The following CNGB1 variants were observed in gnomAD, a reference collection of about 807,000 sequenced individuals.
CNGB1 encodes cyclic nucleotide-gated channel beta-1.
A neutral mutation model predicts 151.7 loss-of-function variants in CNGB1; 126 were observed. The observed-to-expected ratio is 0.83, with a 90% CI of 0.72 to 0.96. The LOEUF (loss-of-function observed/expected upper bound fraction) is 0.96, where lower values mean the gene tolerates loss of function less well. Ranked by LOEUF, CNGB1 falls within the 40% of genes least tolerant of loss-of-function variation. CNGB1 has a pLI of 0.00. For synonymous variants in CNGB1, 623 were observed against 635.1 expected (o/e 0.98, Z 0.29); for missense variants, 1,698 against 1,627.0 (o/e 1.04, Z -0.75).
rs912500388 is a variant in CNGB1, at chr16:57,954,833, C to T, written c.874+2508G>A. On this transcript the variant is annotated intron_variant, in intron 12 of 32. Transcript: ENST00000251102. ...TCGAGGTGCTGACGGTGCCAGGTAC[C>T]ACACTGGGGGCTGTGCACGCGTCCT... The T allele has an allele frequency of 7.1e-6, 7 of 990,918 alleles. 1 individual carries two copies. In the South Asian group the frequency reaches 3.2e-4, roughly 46 times the overall value. 61.4% of individuals were successfully genotyped at this position (990,918 alleles called of 1,614,324 possible). A position where few individuals can be genotyped will look rare whatever the true frequency, so the allele number is the denominator to read the frequency against.
In CNGB1 at chr16:57,939,414, C is replaced by T. The variant is rs776709132; in HGVS notation, c.1372+16G>A. On this transcript the variant is annotated intron_variant, in intron 16 of 32. Coordinates refer to ENST00000251102, the MANE Select transcript of CNGB1 (RefSeq NM_001297.5). ...GACATTCTTGCGCAACCCATCACCA[C>T]CACCACCACACCTACCTCCTGAACT... 2 of 1,614,038 alleles carry T rather than the reference C, an allele frequency of 1.2e-6. No homozygotes were observed. The highest frequency in any genetic ancestry group is 1.1e-5 in the South Asian group (1 of 91,082).
chr16:57,911,188 G>GA (rs1221563079), intron 25 of CNGB1, among the ~76,000 whole-genome samples: 1 of 152,214 alleles, frequency 6.6e-6, no homozygotes, highest in Non-Finnish European at 1.5e-5. Flanking sequence ...TTTGGATGCA[G>GA]AAAGGATCCA....
Position 57,960,866 on chromosome 16 carries a change from G to A in CNGB1, c.508C>T (p.Leu170Phe), listed in dbSNP as rs1470398973. The change falls in exon 8 of 33, where the codon CTT becomes TTT. Residue 170 changes from leucine (L) to phenylalanine (F), a missense_variant. By Grantham distance (22) the Leu-to-Phe change is conservative (BLOSUM62 0). Transcript: ENST00000251102. ...TCAGAGGATTTGGGGGGCTGAGGAA[G>A]CACTCTTTCCAGATTCTGCTCCAGC... ...LWLEQNLERVLPQPPKSSEVW... is the reference protein window; with the variant it reads ...LWLEQNLERVFPQPPKSSEVW... 1.9e-6 allele frequency: 3 copies of A among 1,613,934 alleles called. No homozygotes were observed. The highest frequency in any genetic ancestry group is 2.5e-6 in the Non-Finnish European group (3 of 1,180,006).
intron 23 of CNGB1, among the ~76,000 whole-genome samples, chr16:57,914,039 T>G (rs2149363224): frequency 6.6e-6 from 1 of 152,340 alleles, no homozygotes; most frequent in South Asian, 2.1e-4. Context: ...CTCTAAGGGA[T>G]ATTCCAGTTA....
At chr16:57,951,238 A>G (rs1961942015) in intron 12 of CNGB1, among the ~76,000 whole-genome samples, 2 of 152,172 alleles carry the variant, frequency 1.3e-5, no homozygotes, top group South Asian at 2.1e-4. Flanking sequence ...CTCATCAGGA[A>G]CCTAAGCCTA....
chr16:57,885,719 G>A (rs1049071347), intron 32 of CNGB1, among the ~76,000 whole-genome samples: 2 of 151,860 alleles, frequency 1.3e-5, no homozygotes, highest in East Asian at 1.9e-4. Flanking sequence ...TCAGCCTCCC[G>A]AGTAGCTGGG....
chr16:57,964,925 C>T (rs1962353164), intron 2 of CNGB1, among the ~76,000 whole-genome samples: 1 of 152,182 alleles, frequency 6.6e-6, no homozygotes, highest in Non-Finnish European at 1.5e-5. Context: ...GAGCCCACGC[C>T]CCTCATCCTC....
At chr16:57,936,552 G>A (rs1961513194) in intron 16 of CNGB1, among the ~76,000 whole-genome samples, 1 of 152,192 alleles carries the variant, frequency 6.6e-6, no homozygotes, top group Non-Finnish European at 1.5e-5. Flanking sequence ...CAGCACTTTG[G>A]GAGGCCGAGG....
chr16:57,922,946 T>A (rs1388524594), intron 18 of CNGB1, among the ~76,000 whole-genome samples: 1 of 151,918 alleles, frequency 6.6e-6, no homozygotes, highest in Non-Finnish European at 1.5e-5. Context: ...CCACTGACCT[T>A]TCAGAAGTTC....
intron 17 of CNGB1, among the ~76,000 whole-genome samples, chr16:57,928,956 T>C (rs1961267650): frequency 6.6e-6 from 1 of 152,112 alleles, no homozygotes; most frequent in South Asian, 2.1e-4. Flanking sequence ...TATTGTCTAA[T>C]AATACAATGG....
At chr16:57,901,783 C>A (rs1448679061) in intron 27 of CNGB1, among the ~76,000 whole-genome samples, 158 bp from the exon 28 acceptor site, 1 of 152,240 alleles carries the variant, frequency 6.6e-6, no homozygotes, top group Admixed American at 6.5e-5. Flanking sequence ...CACCTCCAGG[C>A]ATTTGCCAAT....
chr16:57,956,548 A>G (rs1255213508), intron 12 of CNGB1, among the ~76,000 whole-genome samples: 1 of 152,152 alleles, frequency 6.6e-6, no homozygotes, highest in Non-Finnish European at 1.5e-5. Flanking sequence ...GGGGCTGGAC[A>G]CAGCCTTGCA....
At chr16:57,919,025 C>A in intron 20 of CNGB1, 74 bp downstream of exon 20, 3 of 1,607,838 alleles carry the variant, frequency 1.9e-6, no homozygotes, top group Non-Finnish European at 2.6e-6. Flanking sequence ...ATCCCCTGAC[C>A]CTCTCCCCAT....
At chr16:57,899,677 G>T (rs915929087) in intron 29 of CNGB1, among the ~76,000 whole-genome samples, 10 of 152,066 alleles carry the variant, frequency 6.6e-5, no homozygotes, top group Admixed American at 3.3e-4. Context: ...TAAATAAGGG[G>T]TGGGGGGAGT....
At chr16:57,951,994 G>T (rs1878694085) in intron 12 of CNGB1, among the ~76,000 whole-genome samples, 1 of 152,224 alleles carries the variant, frequency 6.6e-6, no homozygotes, top group South Asian at 2.1e-4. Context: ...GGCCAGGGAG[G>T]CTCCTCCAAG....
intron 16 of CNGB1, among the ~76,000 whole-genome samples, chr16:57,934,549 CT>C (rs1445691114): frequency 2.0e-5 from 3 of 152,232 alleles, no homozygotes; most frequent in African/African-American, 7.2e-5. Context: ...GATCAGCCCC[CT>C]GTGTCAATGT....
At chr16:57,950,703 A>G (rs751358829) in intron 12 of CNGB1, among the ~76,000 whole-genome samples, 163 bp from the exon 13 acceptor site, 1 of 152,230 alleles carries the variant, frequency 6.6e-6, no homozygotes, top group Non-Finnish European at 1.5e-5. Context: ...GCGGGACCAG[A>G]TCGGTGTTCC....
At chr16:57,939,048 T>A (rs1407787488) in intron 16 of CNGB1, among the ~76,000 whole-genome samples, 1 of 152,098 alleles carries the variant, frequency 6.6e-6, no homozygotes, top group Admixed American at 6.5e-5. Context: ...AAGAGCTGCA[T>A]CCTCATTGAG....
chr16:57,926,167 G>C (rs1236717406), intron 17 of CNGB1, among the ~76,000 whole-genome samples: 1 of 152,200 alleles, frequency 6.6e-6, no homozygotes, highest in Non-Finnish European at 1.5e-5. Context: ...CCCAGCTGGA[G>C]TGTCAGAGGA....
Sources: allele counts gnomAD v4.1 joint callset (sites outside exome capture counted in the v4.1 genomes callset), GRCh38; gene constraint gnomAD v4.1.1; transcripts MANE v1.5; gene names NCBI Gene and HGNC (gene_info 2026-07-23, HGNC 2026-07-21).